HP1BP3: variants seen among roughly 807,000 people sequenced by gnomAD.
HP1BP3 encodes the protein heterochromatin protein 1-binding protein 3.
HP1BP3 carries 12 observed loss-of-function variants against 62.5 expected under a neutral mutation model. That is an observed-to-expected ratio of 0.19 (90% CI 0.12 to 0.31). The LOEUF is 0.31. Among genes scored for constraint, HP1BP3 ranks in the 10% least tolerant of loss-of-function variants. The pLI is 1.00. For missense variants in HP1BP3, 502 were observed against 651.8 expected (o/e 0.77, Z 2.50); for synonymous variants, 260 against 237.8 (o/e 1.09, Z -0.86).
chr1:20,756,127 A>T (rs1421169643), intron 9 of HP1BP3, among the ~76,000 whole-genome samples: 1 of 152,212 alleles, frequency 6.6e-6, no homozygotes, highest in African/African-American at 2.4e-5. Context: ...GTAATTATAT[A>T]AATTAAATTG....
intron 5 of HP1BP3, among the ~76,000 whole-genome samples, chr1:20,771,375 T>A (rs1366457315): frequency 6.6e-6 from 1 of 152,218 alleles, no homozygotes; most frequent in African/African-American, 2.4e-5. Flanking sequence ...AGAAGATGAA[T>A]CTTTGGCATC....
intron 9 of HP1BP3, among the ~76,000 whole-genome samples, chr1:20,751,185 T>C (rs1475104588): frequency 6.6e-6 from 1 of 152,080 alleles, no homozygotes; most frequent in Non-Finnish European, 1.5e-5. Flanking sequence ...ATTATAAGAG[T>C]ACATTATATA....
At position 20,776,590 on chromosome 1, in the gene HP1BP3, T is replaced by C. The variant is rs762616950; in HGVS notation, c.350+7A>G. The stretch of plus-strand genomic sequence containing the variant: ...AATATAAATAGCAAGAAGACATAAC[T>C]CCTTACTCCTTTTTGGTTTCCTCAG... On this transcript the variant is annotated splice_region_variant and intron_variant, in intron 4 of 12. Transcript: ENST00000438032. The C allele has an allele frequency of 1.2e-6, 2 of 1,604,814 alleles. No homozygotes were observed. The highest frequency in any genetic ancestry group is 1.7e-6 in the Non-Finnish European group (2 of 1,175,984).
intron 9 of HP1BP3, among the ~76,000 whole-genome samples, chr1:20,752,823 G>GTTC (rs2055857998): frequency 1.3e-5 from 2 of 152,302 alleles, no homozygotes; most frequent in South Asian, 4.1e-4. Flanking sequence ...TATTTTATGG[G>GTTC]ATGAAACAGG....
rs1201692972 is a variant in HP1BP3 at position 20,742,583 on chromosome 1, T to G, written c.*2214A>C. 2 of 152,634 alleles carry G rather than the reference T, an allele frequency of 1.3e-5. No homozygotes were observed. The highest frequency in any genetic ancestry group is 2.9e-5 in the Non-Finnish European group (2 of 68,036). The allele number at this position is 152,634 out of a possible 1,614,324, so 9.5% of individuals were successfully genotyped here. A position where few individuals can be genotyped will look rare whatever the true frequency, so the allele number is the denominator to read the frequency against. On this transcript the variant is annotated 3_prime_UTR_variant, in exon 13 of 13. Transcript: ENST00000438032. ...TAAAAAGGAAAATGATGGTGTTCAT[T>G]TCAAGGAGTAGAAAAGACTTAAAGT...
chr1:20,749,366 C>CTTTTTTTTTTTTTTTT (rs67026332), intron 10 of HP1BP3, among the ~76,000 whole-genome samples: 1 of 147,976 alleles, frequency 6.8e-6, no homozygotes. Context: ...CTTTTCTTTT[C>CTTTTTTTTTTTTTTTT]TTTTTTTTTG....
intron 8 of HP1BP3, among the ~76,000 whole-genome samples, chr1:20,762,983 G>A (rs890629129): frequency 6.6e-6 from 1 of 152,208 alleles, no homozygotes. Flanking sequence ...GAGTTATAGG[G>A]ATGGCTTCGT....
rs1220885492 is a variant in HP1BP3, at chr1:20,741,114, A to G, written c.*3683T>C. 1.3e-5 allele frequency among the ~76,000 whole-genome samples: 2 copies of G among 152,266 alleles called. No homozygotes were observed. Among genetic ancestry groups the G allele is most frequent in the African/African-American group, 4.8e-5 (2 of 41,480 alleles). On this transcript the variant is annotated 3_prime_UTR_variant, in exon 13 of 13. Coordinates refer to ENST00000438032, the MANE Select transcript of HP1BP3 (RefSeq NM_001372052.1). ...TTAATGGTCTTTTCCAATTAAGAAT[A>G]GAATTTCTTTTCTTTCATAGCTAAA...
chr1:20,763,878 G>A (rs1490559390), intron 8 of HP1BP3, among the ~76,000 whole-genome samples: 2 of 152,162 alleles, frequency 1.3e-5, no homozygotes, highest in Non-Finnish European at 2.9e-5. Flanking sequence ...TGATGTATAT[G>A]TATGTACATA....
intron 9 of HP1BP3, among the ~76,000 whole-genome samples, chr1:20,755,099 A>G (rs541061053): frequency 6.6e-6 from 1 of 152,376 alleles, no homozygotes; most frequent in Admixed American, 6.5e-5. Context: ...AAAATGGGCA[A>G]AAGATTTGAA....
chr1:20,750,353 A>C (rs2055646473), intron 9 of HP1BP3: 1 of 64,948 alleles, frequency 1.5e-5, no homozygotes, highest in South Asian at 3.9e-4. Context: ...ACACACACAC[A>C]CACACACACA....
rs765654766 is a variant in HP1BP3, at chr1:20,745,612, T to G, written c.1298A>C (p.Asp433Ala). ...FPKKEPDDSR[D>A]EDEDEDESSE... ...TGACTCATCTTCATCTTCATCCTCA[T>G]CTCTAGAATCATCTGGCTCTTTCTT... Residue 433 changes from aspartate to alanine, a missense_variant, in exon 12 of 13, where the codon GAT becomes GCT. Asp to Ala is a moderately radical substitution (Grantham distance 126). Coordinates refer to ENST00000438032, the MANE Select transcript of HP1BP3 (RefSeq NM_001372052.1). 4 of 1,613,964 alleles carry G rather than the reference T, an allele frequency of 2.5e-6. No individual in the cohort carries two copies. The highest frequency in any genetic ancestry group is 1.6e-4 in the Middle Eastern group (1 of 6,062).
intron 8 of HP1BP3, among the ~76,000 whole-genome samples, chr1:20,760,196 G>T (rs2056384922): frequency 6.6e-6 from 1 of 151,998 alleles, no homozygotes; most frequent in Admixed American, 6.6e-5. Context: ...CCTACAGACT[G>T]ATTTTTTAAC....
In HP1BP3 at chr1:20,747,272, T is replaced by G. The variant is rs2055397964; in HGVS notation, c.1253+272A>C. Among the ~76,000 whole-genome samples the G allele has an allele frequency of 2.6e-5, 4 of 152,152 alleles. No individual in the cohort carries two copies. In the South Asian group the frequency reaches 8.3e-4, roughly 32 times the overall value. Reference sequence around the variant, plus strand: ...TAGCCCACTTTATATGTGGACTTTTTTTTTTCAACCAGACACAGATCAGAA... The same window carrying G: ...TAGCCCACTTTATATGTGGACTTTTGTTTTTCAACCAGACACAGATCAGAA... On this transcript the variant is annotated intron_variant, in intron 11 of 12. Coordinates refer to ENST00000438032, the MANE Select transcript of HP1BP3 (RefSeq NM_001372052.1).
At chr1:20,746,199 T>TGTGC (rs1319724809) in intron 11 of HP1BP3, among the ~76,000 whole-genome samples, 1 of 149,850 alleles carries the variant, frequency 6.7e-6, no homozygotes, top group Non-Finnish European at 1.5e-5. Flanking sequence ...TGTGTGTGTG[T>TGTGC]GTGTGTGTGT....
chr1:20,783,793 A>G (rs1056679936), intron 1 of HP1BP3, among the ~76,000 whole-genome samples: 5 of 150,752 alleles, frequency 3.3e-5, no homozygotes, highest in East Asian at 3.9e-4. Context: ...AAAAAAAAAA[A>G]AGAGATGTTA....
intron 3 of HP1BP3, 95 bp from the exon 4 acceptor site, chr1:20,776,845 A>AC: frequency 4.9e-6 from 5 of 1,021,820 alleles, no homozygotes; most frequent in Non-Finnish European, 6.9e-6. Flanking sequence ...GACCAGCCAA[A>AC]GTCTCCAATT....
At chr1:20,754,102 T>C (rs1279959034) in intron 9 of HP1BP3, among the ~76,000 whole-genome samples, 2 of 152,156 alleles carry the variant, frequency 1.3e-5, no homozygotes, top group Non-Finnish European at 1.5e-5. Context: ...ATCCTGTATG[T>C]AGAAAACTGT....
chr1:20,786,450 A>G (rs749084391), intron 1 of HP1BP3: 1 of 152,376 alleles, frequency 6.6e-6, no homozygotes, highest in Non-Finnish European at 1.5e-5. Flanking sequence ...GCTACAGGCC[A>G]CAGCGGCGAA....
Sources: allele counts gnomAD v4.1 joint callset (sites outside exome capture counted in the v4.1 genomes callset), GRCh38; gene constraint gnomAD v4.1.1; transcripts MANE v1.5; gene names NCBI Gene and HGNC (gene_info 2026-07-23, HGNC 2026-07-21).